COL5A1: variants seen among roughly 807,000 people sequenced by gnomAD.
The protein encoded by COL5A1 is collagen alpha-1(V) chain.
Under a neutral mutation model 263.7 loss-of-function variants are expected in COL5A1, and 16 were observed. The observed-to-expected ratio is 0.06, with a 90% confidence interval of 0.04 to 0.09. The LOEUF (loss-of-function observed/expected upper bound fraction) is 0.09. Ranked by LOEUF, COL5A1 falls within the 10% of genes least tolerant of loss-of-function variation. COL5A1 has a pLI of 1.00. For synonymous variants in COL5A1, 1,012 were observed against 1,004.5 expected (o/e 1.01, Z -0.14); for missense variants, 2,036 against 2,540.5 (o/e 0.80, Z 4.27).
chr9:134,819,710 T>G (rs1210142398), intron 57 of COL5A1, among the ~76,000 whole-genome samples: 1 of 152,240 alleles, frequency 6.6e-6, no homozygotes, highest in Non-Finnish European at 1.5e-5. Context: ...GATTGTAATA[T>G]CTATAATACT....
intron 11 of COL5A1, among the ~76,000 whole-genome samples, chr9:134,744,111 C>T (rs772695747): frequency 1.3e-5 from 2 of 152,174 alleles, no homozygotes; most frequent in Non-Finnish European, 2.9e-5. Flanking sequence ...GAGTTAGCTT[C>T]GAGAAAAGCT....
At chr9:134,744,427 A>C (rs936544277) in intron 11 of COL5A1, among the ~76,000 whole-genome samples, 2 of 151,908 alleles carry the variant, frequency 1.3e-5, no homozygotes, top group Non-Finnish European at 2.9e-5. Flanking sequence ...ACACACCCAC[A>C]CACGCACACA....
intron 52 of COL5A1, among the ~76,000 whole-genome samples, chr9:134,816,292 C>A (rs1358801268): frequency 2.0e-5 from 3 of 152,240 alleles, no homozygotes; most frequent in Non-Finnish European, 4.4e-5. Flanking sequence ...TCAGATCTTA[C>A]CCACAGCTCT....
At chr9:134,699,880 T>G in intron 2 of COL5A1, 29 bp from the exon 3 acceptor site, 1 of 1,610,224 alleles carries the variant, frequency 6.2e-7, no homozygotes, top group African/African-American at 1.3e-5. Flanking sequence ...GCTCCCCGAC[T>G]GCCTTCTCAC....
chr9:134,767,914 G>A (rs376451581), intron 24 of COL5A1, among the ~76,000 whole-genome samples: 4 of 152,190 alleles, frequency 2.6e-5, no homozygotes, highest in Non-Finnish European at 5.9e-5. Flanking sequence ...TCCCCGGGGG[G>A]CCTGAGAAAC....
intron 1 of COL5A1, among the ~76,000 whole-genome samples, chr9:134,665,315 G>T (rs1832323733): frequency 6.6e-6 from 1 of 152,248 alleles, no homozygotes; most frequent in Non-Finnish European, 1.5e-5. Flanking sequence ...GCACTGTCTG[G>T]AAGGGCGAGA....
At position 134,831,191 on chromosome 9, in the gene COL5A1, G is replaced by A. The variant is rs557154035; in HGVS notation, c.5136+1147G>A. ...GGACACAGAGCACTGGCCCTGAGCC[G>A]CCTTTGCCCTGTCTGCACCTCTGAA... On this transcript the variant is annotated intron_variant, in intron 64 of 65. Transcript: ENST00000371817. Among the ~76,000 whole-genome samples, 5 of 152,330 alleles carry A rather than the reference G, an allele frequency of 3.3e-5. No individual in the cohort carries two copies. In the South Asian group the frequency reaches 8.3e-4, roughly 25 times the overall value.
At chr9:134,695,597 C>T (rs945366360) in intron 2 of COL5A1, among the ~76,000 whole-genome samples, 2 of 152,172 alleles carry the variant, frequency 1.3e-5, no homozygotes, top group African/African-American at 4.8e-5. Context: ...CTCCCCACTC[C>T]CCTGTACCCC....
chr9:134,753,549 C>T (rs1017314400), intron 14 of COL5A1, among the ~76,000 whole-genome samples: 8 of 152,314 alleles, frequency 5.3e-5, no homozygotes, highest in African/African-American at 1.7e-4. Flanking sequence ...TAACGGACCA[C>T]GGTCAGGTTC....
intron 36 of COL5A1, among the ~76,000 whole-genome samples, chr9:134,798,001 C>G (rs563483758): frequency 1.3e-5 from 2 of 152,242 alleles, no homozygotes; most frequent in African/African-American, 4.8e-5. Flanking sequence ...TATGGACAAC[C>G]ATCTAGCAGT....
chr9:134,809,098 G>A (rs981086126), intron 42 of COL5A1, 85 bp from the exon 43 acceptor site: 23 of 1,174,172 alleles, frequency 2.0e-5, no homozygotes, highest in Middle Eastern at 1.9e-4. Flanking sequence ...TCCTGCCAGC[G>A]GATCCCTCTC....
intron 16 of COL5A1, 100 bp from the exon 17 acceptor site, chr9:134,756,665 C>G: frequency 1.5e-6 from 2 of 1,320,620 alleles, no homozygotes; most frequent in Non-Finnish European, 2.2e-6. Context: ...GGGCGCGGCT[C>G]TGGTGGAACG....
At chr9:134,685,486 G>GTCCATCCA (rs1302658550) in intron 1 of COL5A1, among the ~76,000 whole-genome samples, 1 of 3,340 alleles carries the variant, frequency 3.0e-4, no homozygotes, top group East Asian at 0.015. Context: ...CCATCCATCC[G>GTCCATCCA]TCCATCCATC....
At position 134,652,472 on chromosome 9, in the gene COL5A1, ACAT is replaced by A. The variant is rs1352444296; in HGVS notation, c.109+10180_109+10182del. On this transcript the variant is annotated intron_variant, in intron 1 of 65. Transcript: ENST00000371817. The surrounding 1 kb of genome is among the most constrained non-coding windows in gnomAD (Gnocchi z 4.4). ...ATCCTCCTGCCCCTGAAACAGGTGG[ACAT>A]CATGGCTTCTCAGCCCAGGCCATTT... Among the ~76,000 whole-genome samples the A allele has an allele frequency of 6.6e-6, 1 of 152,140 alleles. No homozygotes were observed. Among genetic ancestry groups the A allele is most frequent in the Non-Finnish European group, 1.5e-5 (1 of 68,030 alleles).
rs1348561238 is a variant in COL5A1, at chr9:134,686,071, C to T, written c.110-4841C>T. 4.6e-5 allele frequency among the ~76,000 whole-genome samples: 7 copies of T among 152,214 alleles called. No homozygotes were observed. Among genetic ancestry groups the T allele is most frequent in the Admixed American group, 2.0e-4 (3 of 15,282 alleles). ...TTTATCCACTATCCATCCATTCATCCGTCCATCCTGCATGTCTGTGTTGAG... is the reference window on the plus strand; with the variant it reads ...TTTATCCACTATCCATCCATTCATCTGTCCATCCTGCATGTCTGTGTTGAG... On this transcript the variant is annotated intron_variant, in intron 1 of 65. Transcript: ENST00000371817. This position sits in a 1 kb window ranked among gnomAD's most constrained non-coding sequence, Gnocchi z 4.6.
Position 134,758,121 on chromosome 9 carries a change from G to A in COL5A1, c.1882-122G>A. The A allele has an allele frequency of 1.1e-6, 1 of 943,348 alleles. No homozygotes were observed. Among genetic ancestry groups the A allele is most frequent in the Non-Finnish European group, 1.7e-6 (1 of 578,716 alleles). 58.4% of individuals were successfully genotyped at this position (943,348 alleles called of 1,614,324 possible). A position where few individuals can be genotyped will look rare whatever the true frequency, so the allele number is the denominator to read the frequency against. On this transcript the variant is annotated intron_variant, in intron 17 of 65. Transcript: ENST00000371817. This position sits in a 1 kb window ranked among gnomAD's most constrained non-coding sequence, Gnocchi z 4.1. Reference sequence around the variant, plus strand: ...GAGAGGGCTGGCCGATGGGGTTCAGGGTGCATAGATGCTGTGTGAAACGTG... The same window carrying A: ...GAGAGGGCTGGCCGATGGGGTTCAGAGTGCATAGATGCTGTGTGAAACGTG...
rs189943109 is a variant in COL5A1 at position 134,700,545 on chromosome 9, G to A, written c.491+423G>A. ...GTCGTGCCAGCACGCTCTGTTGGGT[G>A]CAGACCTCAACACCAGGGGTTGTCA... is the stretch of plus-strand genomic sequence containing the variant. On this transcript the variant is annotated intron_variant, in intron 3 of 65. Coordinates refer to ENST00000371817, the MANE Select transcript of COL5A1 (RefSeq NM_000093.5). The surrounding 1 kb of genome is among the most constrained non-coding windows in gnomAD (Gnocchi z 4.0). Among the ~76,000 whole-genome samples, 118 of 152,320 alleles carry A rather than the reference G, an allele frequency of 7.7e-4. No individual in the cohort carries two copies. The highest frequency in any genetic ancestry group is 2.5e-3 in the African/African-American group (102 of 41,572).
intron 1 of COL5A1, among the ~76,000 whole-genome samples, chr9:134,676,900 C>G (rs117723035): frequency 3.3e-5 from 5 of 152,176 alleles, no homozygotes; most frequent in African/African-American, 1.2e-4. Context: ...TTCCTTTGAG[C>G]GCTGTACCAA....
rs780407879 is a variant in COL5A1 at position 134,785,049 on chromosome 9, G to A, written c.2545G>A (p.Gly849Arg). 6 of 1,613,314 alleles carry A rather than the reference G, an allele frequency of 3.7e-6. No homozygotes were observed. The highest frequency in any genetic ancestry group is 4.5e-5 in the East Asian group (2 of 44,878). ...EDGPEGPKGR[G>R]GPNGDPGPLG... The stretch of plus-strand genomic sequence containing the variant: ...TGGCCCTGAAGGCCCAAAGGGTCGC[G>A]GAGGTCCCAATGGTGACCCCGGTCC... The change falls in exon 30 of 66, where the codon GGA (glycine) becomes AGA (arginine). Residue 849 changes from glycine to arginine, a missense_variant. Physicochemically the swap from Gly to Arg is moderately radical, Grantham distance 125 (BLOSUM62 -2). Around this residue, in one of 3 missense-constraint regions of COL5A1, gnomAD observed 1,078 missense variants for 1,521.4 expected, o/e 0.71. Transcript: ENST00000371817.
Sources: allele counts gnomAD v4.1 joint callset (sites outside exome capture counted in the v4.1 genomes callset), GRCh38; gene constraint gnomAD v4.1.1; regional missense constraint gnomAD v4.1.1; non-coding constraint Gnocchi (gnomAD v3.1); transcripts MANE v1.5; gene names NCBI Gene and HGNC (gene_info 2026-07-23, HGNC 2026-07-21).